Variants in DIAPH2 observed in about 807,000 individuals in gnomAD.
DIAPH2 encodes the protein diaphanous related formin 2.
DIAPH2 carries 35 observed loss-of-function variants against 92.7 expected under a neutral mutation model. That is an observed-to-expected ratio of 0.38 (90% CI 0.29 to 0.50). DIAPH2 has a LOEUF of 0.50. Ranked by LOEUF, DIAPH2 falls within the 20% of genes least tolerant of loss-of-function variation. The pLI, the probability that DIAPH2 is intolerant of heterozygous loss-of-function variation, is 0.94. For missense variants in DIAPH2, 701 were observed against 819.5 expected (o/e 0.86, Z 1.77); for synonymous variants, 301 against 280.4 (o/e 1.07, Z -0.73).
chrX:97,373,088 A>G (rs772301676), intron 24 of DIAPH2, among the ~76,000 whole-genome samples: 4 of 112,319 alleles, frequency 3.6e-5, no homozygotes, highest in Non-Finnish European at 7.5e-5. Context: ...TTAACTTTGG[A>G]GACTCAATGT....
intron 4 of DIAPH2, among the ~76,000 whole-genome samples, chrX:96,830,873 G>T (rs774600667): frequency 3.6e-5 from 4 of 111,035 alleles, no homozygotes. Context: ...CATCTTTTTG[G>T]AGGGGCATTT....
At chrX:97,025,602 A>T (rs1476516643) in intron 17 of DIAPH2, among the ~76,000 whole-genome samples, 2 of 105,695 alleles carry the variant, frequency 1.9e-5, no homozygotes, top group East Asian at 6.1e-4. Flanking sequence ...CAATGGGCCG[A>T]GATCGCGCCA....
In DIAPH2 at chrX:97,410,342, C is replaced by A. The variant is rs1484940202; in HGVS notation, c.3146-19308C>A. 4.5e-5 allele frequency among the ~76,000 whole-genome samples: 5 copies of A among 111,973 alleles called. 1 individual carries two copies. In the Admixed American group the frequency reaches 4.7e-4, roughly 11 times the overall value. ...ACCTGACTCGTAGAAGGAAAACTAA[C>A]AAACAGAAAGGAATAGCATCAACAT... is the stretch of plus-strand genomic sequence containing the variant. On this transcript the variant is annotated intron_variant, in intron 25 of 26. Transcript: ENST00000324765.
intron 26 of DIAPH2, among the ~76,000 whole-genome samples, chrX:97,451,435 G>A (rs949211513): frequency 9.0e-6 from 1 of 111,188 alleles, no homozygotes; most frequent in African/African-American, 3.3e-5. Context: ...GCATTGTTTT[G>A]GTGCAGATAT....
intron 22 of DIAPH2, among the ~76,000 whole-genome samples, chrX:97,202,271 C>T (rs2067757722): frequency 9.0e-6 from 1 of 111,570 alleles, no homozygotes; most frequent in African/African-American, 3.3e-5. Context: ...GCAAAATAAC[C>T]AGCTAGCATC....
chrX:97,220,547 G>T (rs898468682), intron 22 of DIAPH2, among the ~76,000 whole-genome samples: 1 of 111,671 alleles, frequency 9.0e-6, no homozygotes. Context: ...AGATACCAGG[G>T]TGGGGCCAGA....
At position 96,771,820 on chromosome X, in the gene DIAPH2, T is replaced by G. The variant is rs759401259; in HGVS notation, c.447+13562T>G. ...AGGAGGGTGAGATGGGAGGATCACT[T>G]GAGCCCAGGAGTTCAAGATCAGCCT... On this transcript the variant is annotated intron_variant, in intron 4 of 26. Coordinates refer to ENST00000324765, the MANE Select transcript of DIAPH2 (RefSeq NM_006729.5). Among the ~76,000 whole-genome samples, 8 of 111,112 alleles carry G rather than the reference T, an allele frequency of 7.2e-5. No individual in the cohort carries two copies. The East Asian group carries it at 2.3e-3, about 32-fold the overall frequency.
At chrX:97,467,276 A>G (rs142367125) in intron 26 of DIAPH2, among the ~76,000 whole-genome samples, 1,319 of 112,297 alleles carry the variant, frequency 0.012, 14 homozygotes, top group African/African-American at 0.04. Flanking sequence ...ATTTAATTCT[A>G]AAGTAAGTCA....
intron 26 of DIAPH2, among the ~76,000 whole-genome samples, chrX:97,458,431 C>G (rs1388073302): frequency 9.2e-6 from 1 of 108,822 alleles, no homozygotes; most frequent in Non-Finnish European, 1.9e-5. Flanking sequence ...GCAACCAGGT[C>G]ATTTGTCTGA....
chrX:97,290,906 C>A (rs994710308), intron 23 of DIAPH2, among the ~76,000 whole-genome samples: 4 of 110,046 alleles, frequency 3.6e-5, no homozygotes, highest in African/African-American at 1.3e-4. Context: ...GAAACCCTGT[C>A]TCTACTAAAA....
At chrX:97,363,144 G>A (rs181372342) in intron 24 of DIAPH2, among the ~76,000 whole-genome samples, 2 of 112,128 alleles carry the variant, frequency 1.8e-5, no homozygotes, top group East Asian at 5.6e-4. Context: ...CTGGAATATG[G>A]AGGATATACA....
chrX:97,174,417 G>A (rs1354308014), intron 22 of DIAPH2, among the ~76,000 whole-genome samples: 4 of 111,627 alleles, frequency 3.6e-5, no homozygotes, highest in African/African-American at 6.5e-5. Context: ...ACATTCTCGT[G>A]TGTTGGCAAG....
intron 15 of DIAPH2, among the ~76,000 whole-genome samples, chrX:96,957,625 T>TA (rs1052602820): frequency 2.8e-5 from 3 of 108,780 alleles, no homozygotes; most frequent in Non-Finnish European, 3.8e-5. Flanking sequence ...ATAATGCTTA[T>TA]AAAAAATCTA....
chrX:97,538,900 T>G (rs1359656276), intron 26 of DIAPH2, among the ~76,000 whole-genome samples: 2 of 112,247 alleles, frequency 1.8e-5, no homozygotes, highest in Non-Finnish European at 3.8e-5. Flanking sequence ...GATTCAAGAC[T>G]CCACTAGGAT....
intron 22 of DIAPH2, among the ~76,000 whole-genome samples, chrX:97,193,249 A>G (rs545154702): frequency 9.1e-6 from 1 of 110,471 alleles, no homozygotes; most frequent in African/African-American, 3.3e-5. Context: ...CCTGAGCTCA[A>G]GCAATCCTCC....
At chrX:96,742,537 A>T (rs1335454352) in intron 3 of DIAPH2, among the ~76,000 whole-genome samples, 2 of 111,617 alleles carry the variant, frequency 1.8e-5, no homozygotes, top group East Asian at 5.6e-4. Context: ...ATATGTTTTG[A>T]CACCCACCAC....
At chrX:97,300,984 C>T (rs1481162550) in intron 23 of DIAPH2, among the ~76,000 whole-genome samples, 1 of 60,125 alleles carries the variant, frequency 1.7e-5, no homozygotes, top group Admixed American at 2.7e-4. Context: ...AGAATGTCTC[C>T]ATAGTTATTC....
chrX:97,010,750 A>G (rs1462172505), intron 17 of DIAPH2, among the ~76,000 whole-genome samples: 1 of 112,229 alleles, frequency 8.9e-6, no homozygotes, highest in Non-Finnish European at 1.9e-5. Context: ...AAACCTAGGT[A>G]CAACTACGGT....
intron 22 of DIAPH2, among the ~76,000 whole-genome samples, chrX:97,178,443 CTTTTTT>C (rs766983375): frequency 5.9e-5 from 4 of 67,288 alleles, no homozygotes; most frequent in African/African-American, 2.1e-4. Flanking sequence ...CTATATTTCT[CTTTTTT>C]TTTTTTTTTT....
Sources: gnomAD v4.1 joint callset for allele counts (sites outside exome capture counted in the v4.1 genomes callset) on GRCh38, gnomAD v4.1.1 for gene constraint, MANE v1.5 for transcripts, NCBI Gene and HGNC (gene_info 2026-07-23, HGNC 2026-07-21) for gene names.